The following ADGRB3 variants were observed in gnomAD, a reference collection of about 807,000 sequenced individuals.
The protein encoded by ADGRB3 is adhesion G protein-coupled receptor B3, also known as brain-specific angiogenesis inhibitor 3.
In ADGRB3, 37 loss-of-function variants were observed where a neutral mutation model predicts 193.4. The observed-to-expected ratio is 0.19, with a 90% CI of 0.15 to 0.25. The LOEUF is 0.25. Ranked by LOEUF, ADGRB3 falls within the 10% of genes least tolerant of loss-of-function variation. ADGRB3 has a pLI of 1.00. For synonymous variants in ADGRB3, 690 were observed against 644.2 expected, an observed-to-expected ratio of 1.07 and a Z score of -1.08; for missense variants, 1,637 against 1,852.9, an observed-to-expected ratio of 0.88 and a Z score of 2.14.
intron 20 of ADGRB3, among the ~76,000 whole-genome samples, chr6:69,298,796 G>T (rs1561980910): frequency 6.6e-6 from 1 of 151,950 alleles, no homozygotes; most frequent in Non-Finnish European, 1.5e-5. Context: ...TGGATACTTA[G>T]GTTGATTCCA....
chr6:68,687,923 G>A (rs1228396732), intron 3 of ADGRB3, among the ~76,000 whole-genome samples: 1 of 152,150 alleles, frequency 6.6e-6, no homozygotes, highest in Non-Finnish European at 1.5e-5. Flanking sequence ...TGGTACATTA[G>A]TCACTAAGGT....
chr6:68,853,174 T>C (rs1342015627), intron 3 of ADGRB3, among the ~76,000 whole-genome samples: 2 of 152,098 alleles, frequency 1.3e-5, no homozygotes, highest in African/African-American at 4.8e-5. Context: ...CTTTAATCTT[T>C]TATGCAATCA....
At chr6:68,742,877 T>C (rs1766007241) in intron 3 of ADGRB3, among the ~76,000 whole-genome samples, 1 of 151,904 alleles carries the variant, frequency 6.6e-6, no homozygotes, top group South Asian at 2.1e-4. Flanking sequence ...TTAATATATT[T>C]TTTATAATTT....
intron 3 of ADGRB3, among the ~76,000 whole-genome samples, 167 bp downstream of exon 3, chr6:68,639,599 T>A (rs1768035470): frequency 6.6e-6 from 1 of 152,134 alleles, no homozygotes; most frequent in African/African-American, 2.4e-5. Flanking sequence ...TAGTTTTAGG[T>A]TTCAAGGTTT....
intron 3 of ADGRB3, among the ~76,000 whole-genome samples, chr6:68,669,584 T>TA (rs1341016082): frequency 1.3e-5 from 2 of 150,886 alleles, no homozygotes; most frequent in African/African-American, 4.9e-5. Flanking sequence ...CCCAGTTTTT[T>TA]ATGGATGAAT....
intron 15 of ADGRB3, 54 bp downstream of exon 15, chr6:69,049,400 A>G: frequency 8.0e-7 from 1 of 1,254,658 alleles, no homozygotes; most frequent in Non-Finnish European, 1.1e-6. Context: ...CCAAAATGTG[A>G]TTATAGCTCA....
chr6:68,789,316 T>C (rs1171041896), intron 3 of ADGRB3, among the ~76,000 whole-genome samples: 1 of 152,190 alleles, frequency 6.6e-6, no homozygotes, highest in South Asian at 2.1e-4. Flanking sequence ...CCATGTTTAG[T>C]GCTTCCTTCA....
intron 17 of ADGRB3, among the ~76,000 whole-genome samples, chr6:69,194,913 C>T (rs895519024): frequency 1.3e-5 from 2 of 152,026 alleles, no homozygotes; most frequent in Non-Finnish European, 2.9e-5. Flanking sequence ...GAGAACAATT[C>T]CTGGTATATA....
At chr6:69,221,529 C>T (rs972146795) in intron 17 of ADGRB3, among the ~76,000 whole-genome samples, 2 of 151,926 alleles carry the variant, frequency 1.3e-5, no homozygotes, top group Admixed American at 6.6e-5. Flanking sequence ...TCTGTGAACG[C>T]TTGTCAACTG....
chr6:68,878,575 A>G (rs1765652554), intron 3 of ADGRB3, among the ~76,000 whole-genome samples: 1 of 152,214 alleles, frequency 6.6e-6, no homozygotes, highest in South Asian at 2.1e-4. Context: ...TCCTTTCCCT[A>G]TAGAGAAATG....
chr6:68,876,274 C>T (rs1175628906), intron 3 of ADGRB3, among the ~76,000 whole-genome samples: 1 of 152,028 alleles, frequency 6.6e-6, no homozygotes, highest in African/African-American at 2.4e-5. Flanking sequence ...GGAGCTGTGT[C>T]TTGGTGGGAT....
At chr6:69,384,945 TTTTTC>T (rs984058134) in intron 31 of ADGRB3, among the ~76,000 whole-genome samples, 3 of 138,340 alleles carry the variant, frequency 2.2e-5, no homozygotes, top group Non-Finnish European at 3.0e-5. Flanking sequence ...AATAAAGGGG[TTTTTC>T]TTTTCTTTTC....
chr6:69,102,715 G>T lies in ADGRB3; in HGVS notation c.2480+26677G>T, dbSNP rs193223659. ...TTTATACTGATTTGTTGGTAGAAAA[G>T]AGTCTACCTAGTGCCACATCTGATT... On this transcript the variant is annotated intron_variant, in intron 17 of 31. Coordinates refer to ENST00000370598, the MANE Select transcript of ADGRB3 (RefSeq NM_001704.3). 7.5e-4 allele frequency among the ~76,000 whole-genome samples: 115 copies of T among 152,328 alleles called. 1 individual carries two copies. Among genetic ancestry groups the T allele is most frequent in the Admixed American group, 6.9e-3 (105 of 15,306 alleles).
At chr6:69,037,270 G>A (rs1004611721) in intron 13 of ADGRB3, among the ~76,000 whole-genome samples, 2 of 152,132 alleles carry the variant, frequency 1.3e-5, no homozygotes, top group African/African-American at 2.4e-5. Flanking sequence ...ATTAGTAAAC[G>A]TTTGTTGAAT....
chr6:69,352,326 T>A (rs1287813995), intron 26 of ADGRB3, among the ~76,000 whole-genome samples: 1 of 152,192 alleles, frequency 6.6e-6, no homozygotes, highest in African/African-American at 2.4e-5. Flanking sequence ...AGCTAGATTA[T>A]TTAGTTATAA....
chr6:69,126,232 CACATACAT>C (rs780448849), intron 17 of ADGRB3, among the ~76,000 whole-genome samples: 199 of 138,480 alleles, frequency 1.4e-3, no homozygotes, highest in African/African-American at 3.8e-3. Flanking sequence ...AATAGATACA[CACATACAT>C]ACATACATAC....
chr6:69,311,797 A>T (rs1041793686), intron 20 of ADGRB3, among the ~76,000 whole-genome samples: 3 of 151,742 alleles, frequency 2.0e-5, no homozygotes, highest in Non-Finnish European at 4.4e-5. Flanking sequence ...CCAAAACTTG[A>T]TGCAATCAAT....
At chr6:69,343,060 G>A (rs1769010642) in intron 26 of ADGRB3, among the ~76,000 whole-genome samples, 1 of 151,840 alleles carries the variant, frequency 6.6e-6, no homozygotes, top group Non-Finnish European at 1.5e-5. Flanking sequence ...ATATAGCCTT[G>A]AAGTTTAAGA....
intron 15 of ADGRB3, among the ~76,000 whole-genome samples, chr6:69,060,249 T>TCC (rs376671286): frequency 2.1e-5 from 3 of 145,406 alleles, no homozygotes; most frequent in Non-Finnish European, 3.1e-5. Flanking sequence ...TCTCTCTCTC[T>TCC]CCTCCTCTGT....
Sources: allele counts gnomAD v4.1 joint callset (sites outside exome capture counted in the v4.1 genomes callset), GRCh38; gene constraint gnomAD v4.1.1; transcripts MANE v1.5; gene names NCBI Gene and HGNC (gene_info 2026-07-23, HGNC 2026-07-21).